RELN: variants seen among roughly 807,000 people sequenced by gnomAD.
RELN encodes the protein reelin.
Under a neutral mutation model 427.6 loss-of-function variants are expected in RELN, and 108 were observed. The ratio of observed to expected loss-of-function variants is 0.25; its 90% CI spans 0.22 to 0.30. The LOEUF is 0.30. Among genes scored for constraint, RELN ranks in the 10% least tolerant of loss-of-function variants. The pLI is 1.00. For synonymous variants in RELN, 1,524 were observed against 1,513.4 expected (o/e 1.01, Z -0.16); for missense variants, 3,715 against 4,302.8 (o/e 0.86, Z 3.82).
chr7:103,494,227 C>G (rs552611040), intron 57 of RELN, among the ~76,000 whole-genome samples: 5 of 151,914 alleles, frequency 3.3e-5, no homozygotes, highest in Non-Finnish European at 4.4e-5. Context: ...AGAGCTGAGG[C>G]GAAAAGCAAA....
Position 103,728,157 on chromosome 7 carries a change from T to C in RELN, c.707A>G (p.His236Arg), listed in dbSNP as rs771005621. The change falls in exon 7 of 65, where the codon CAT becomes CGT. Residue 236 changes from histidine (H) to arginine (R), a missense_variant. Transcript: ENST00000428762. Reference protein sequence around the residue: ...ETGEQCGAIMHGNAVTFCEPY... With the variant: ...ETGEQCGAIMRGNAVTFCEPY... The stretch of plus-strand genomic sequence containing the variant: ...TTCACAGAAGGTGACGGCATTGCCA[T>C]GCATAATCGCGCCACACTGTTCTCC... 2.5e-5 allele frequency: 41 copies of C among 1,613,770 alleles called. No homozygotes were observed. Among genetic ancestry groups the C allele is most frequent in the Non-Finnish European group, 3.3e-5 (39 of 1,179,898 alleles).
Position 103,551,150 on chromosome 7 carries a change from G to A in RELN, c.6219C>T (p.His2073=). The A allele has an allele frequency of 6.2e-7, 1 of 1,614,058 alleles. No homozygotes were observed. The highest frequency in any genetic ancestry group is 8.5e-7 in the Non-Finnish European group (1 of 1,180,010). The part of the protein sequence containing the change: ...SHVSSLCSTE[H]HPSSTYYAGT... ...CTGCGTAGTAGGTGCTGCTGGGGTGGTGCTCGGTGGAGCATAAAGAGCTGA... is the reference window on the plus strand; with the variant it reads ...CTGCGTAGTAGGTGCTGCTGGGGTGATGCTCGGTGGAGCATAAAGAGCTGA... The change falls in exon 41 of 65, where the codon CAC becomes CAT. Residue 2073 remains histidine, a synonymous_variant. Transcript: ENST00000428762.
intron 51 of RELN, among the ~76,000 whole-genome samples, chr7:103,507,792 C>T (rs909759115): frequency 1.9e-4 from 28 of 151,342 alleles, no homozygotes; most frequent in South Asian, 6.3e-4. Context: ...ACTAGTGAGA[C>T]GAATAAGGAA....
intron 2 of RELN, among the ~76,000 whole-genome samples, chr7:103,856,076 C>A (rs13232518): frequency 0.14 from 21,831 of 151,994 alleles, 1,871 homozygotes; most frequent in East Asian, 0.34. Context: ...AAAGCATGAA[C>A]GGTGTTCTGT....
intron 2 of RELN, among the ~76,000 whole-genome samples, chr7:103,863,924 A>G (rs759381897): frequency 2.5e-4 from 38 of 152,096 alleles, no homozygotes; most frequent in Admixed American, 7.9e-4. Context: ...CAGGAAGATG[A>G]CATGTTGCAC....
intron 60 of RELN, among the ~76,000 whole-genome samples, chr7:103,487,991 A>G (rs1179599233): frequency 6.6e-6 from 1 of 152,086 alleles, no homozygotes; most frequent in African/African-American, 2.4e-5. Context: ...TAAAAATACA[A>G]AAGAAGATGA....
intron 6 of RELN, among the ~76,000 whole-genome samples, chr7:103,747,580 C>T (rs1478028532): frequency 6.6e-6 from 1 of 151,300 alleles, no homozygotes; most frequent in Non-Finnish European, 1.5e-5. Flanking sequence ...GCCTCTGCCA[C>T]CTTTTGTTTA....
chr7:103,497,763 T>A, intron 55 of RELN, 57 bp downstream of exon 55: 1 of 1,349,948 alleles, frequency 7.4e-7, no homozygotes, highest in Non-Finnish European at 1.1e-6. Context: ...TTTCTGAGGG[T>A]GTTGGATGGA....
intron 4 of RELN, among the ~76,000 whole-genome samples, chr7:103,767,088 T>C (rs964636214): frequency 2.6e-5 from 4 of 152,154 alleles, no homozygotes; most frequent in African/African-American, 7.2e-5. Flanking sequence ...CCAATGAATA[T>C]ACACACACAC....
chr7:103,774,422 C>G (rs1327358498), intron 4 of RELN, among the ~76,000 whole-genome samples: 1 of 151,770 alleles, frequency 6.6e-6, no homozygotes. Context: ...GTTTAGCAAG[C>G]AATACAGTCT....
intron 2 of RELN, among the ~76,000 whole-genome samples, chr7:103,898,273 C>A (rs529167355): frequency 1.3e-5 from 2 of 152,024 alleles, no homozygotes; most frequent in African/African-American, 2.4e-5. Flanking sequence ...TTTTGTCCTA[C>A]CATTATTATT....
chr7:103,559,967 G>A (rs1458578909), intron 36 of RELN, among the ~76,000 whole-genome samples: 8 of 152,304 alleles, frequency 5.3e-5, no homozygotes, highest in East Asian at 1.9e-4. Flanking sequence ...CACTCATAAA[G>A]GGACCTATTT....
chr7:103,486,421 A>G lies in RELN; in HGVS notation c.9764-5T>C. The G allele has an allele frequency of 6.2e-7, 1 of 1,609,610 alleles. No homozygotes were observed. Among genetic ancestry groups the G allele is most frequent in the Non-Finnish European group, 8.5e-7 (1 of 1,175,894 alleles). ...TGAAAACAGAGCAGTCATCACCTAG[A>G]GGACAAGGAGCAGTCACAGAAATTA... On this transcript the variant is annotated splice_region_variant and splice_polypyrimidine_tract_variant and intron_variant, in intron 60 of 64. Coordinates refer to ENST00000428762, the MANE Select transcript of RELN (RefSeq NM_005045.4).
chr7:103,493,342 C>G (rs1275979781), intron 57 of RELN, among the ~76,000 whole-genome samples: 1 of 152,112 alleles, frequency 6.6e-6, no homozygotes, highest in Non-Finnish European at 1.5e-5. Flanking sequence ...ACATTTCAAG[C>G]TAGTTACTAG....
At chr7:103,485,229 C>CAAAAA (rs35324403) in intron 61 of RELN, among the ~76,000 whole-genome samples, 6 of 96,486 alleles carry the variant, frequency 6.2e-5, no homozygotes, top group Non-Finnish European at 6.6e-5. Context: ...TTTGGCAGGC[C>CAAAAA]AAAAAAAAAA....
In RELN at chr7:103,575,703, T is replaced by A; in HGVS notation, c.4148A>T (p.Lys1383Met). 1 of 1,614,196 alleles carries A rather than the reference T, an allele frequency of 6.2e-7. No homozygotes were observed. The highest frequency in any genetic ancestry group is 1.3e-5 in the African/African-American group (1 of 75,062). The change falls in exon 29 of 65, where the codon AAG (lysine) becomes ATG (methionine). Residue 1383 changes from lysine (K) to methionine (M), a missense_variant and splice_region_variant. Transcript: ENST00000428762. ...IVIPRSLASS[K>M]TRFRWIQESS... ...CTCCTGGATCCATCGGAATCTGGTC[T>A]TGCTGTTGGGAAAAACAACACACCT...
intron 25 of RELN, 101 bp downstream of exon 25, chr7:103,596,355 G>T: frequency 1.0e-6 from 1 of 999,524 alleles, no homozygotes; most frequent in Non-Finnish European, 1.6e-6. Flanking sequence ...TTATAGGTTT[G>T]TCTATTTTTG....
intron 49 of RELN, among the ~76,000 whole-genome samples, chr7:103,519,030 T>A (rs1829639195): frequency 6.6e-6 from 1 of 152,210 alleles, no homozygotes; most frequent in African/African-American, 2.4e-5. Flanking sequence ...TCCCAAAGCA[T>A]TGCTGAAATT....
At chr7:103,648,978 C>T (rs1832854143) in intron 16 of RELN, among the ~76,000 whole-genome samples, 1 of 151,932 alleles carries the variant, frequency 6.6e-6, no homozygotes, top group Admixed American at 6.6e-5. Context: ...AACTCTTAGA[C>T]ACTTTTGGTG....
Sources: allele counts gnomAD v4.1 joint callset (sites outside exome capture counted in the v4.1 genomes callset), GRCh38; gene constraint gnomAD v4.1.1; transcripts MANE v1.5; gene names NCBI Gene and HGNC (gene_info 2026-07-23, HGNC 2026-07-21).